Variants in CASQ2 observed in about 807,000 individuals in gnomAD.
CASQ2 encodes calsequestrin-2.
Under a neutral mutation model 46.5 loss-of-function variants are expected in CASQ2, and 49 were observed. The ratio of observed to expected loss-of-function variants is 1.05; its 90% CI spans 0.84 to 1.34. The LOEUF (loss-of-function observed/expected upper bound fraction) is 1.34, where lower values mean the gene tolerates loss of function less well. Ranked by LOEUF, CASQ2 falls within the 40% of genes most tolerant of loss-of-function variation. The pLI is 0.00. For synonymous variants in CASQ2, 174 were observed against 168.5 expected (o/e 1.03, Z -0.25); for missense variants, 486 against 481.3 (o/e 1.01, Z -0.09).
intron 1 of CASQ2, among the ~76,000 whole-genome samples, chr1:115,754,615 T>C (rs1301607938): frequency 6.6e-6 from 1 of 152,156 alleles, no homozygotes; most frequent in Non-Finnish European, 1.5e-5. Flanking sequence ...AGAGCTTAAG[T>C]GACCCAGCTA....
intron 9 of CASQ2, among the ~76,000 whole-genome samples, chr1:115,703,207 A>T (rs191861455): frequency 2.6e-5 from 4 of 152,068 alleles, no homozygotes; most frequent in Admixed American, 2.6e-4. Context: ...TTATGGAAAC[A>T]TGTGTCTGCA....
At chr1:115,746,330 C>A (rs1022325710) in intron 1 of CASQ2, among the ~76,000 whole-genome samples, 4 of 152,068 alleles carry the variant, frequency 2.6e-5, no homozygotes, top group Admixed American at 6.5e-5. Context: ...GTCTTAATTT[C>A]TCTGAGATAA....
rs57499430 is a variant in CASQ2, at chr1:115,723,274, C to CTATCACCTATCT, written c.783+2233_783+2234insAGATAGGTGATA. On this transcript the variant is annotated intron_variant, in intron 7 of 10. Transcript: ENST00000261448. ...TCTCTATATCTATCTATCTATCTAT[C>CTATCACCTATCT]ATCTATCTATATCTCTCTATATCTA... is the stretch of plus-strand genomic sequence containing the variant. 2.0e-5 allele frequency among the ~76,000 whole-genome samples: 3 copies of CTATCACCTATCT among 150,974 alleles called. No homozygotes were observed. The South Asian group carries it at 6.3e-4, about 32-fold the overall frequency.
At chr1:115,705,367 T>C in intron 8 of CASQ2, 75 bp from the exon 9 acceptor site, 1 of 951,416 alleles carries the variant, frequency 1.1e-6, no homozygotes, top group Non-Finnish European at 1.7e-6. Context: ...GAGTGTGATT[T>C]TTCCACGAGG....
At chr1:115,723,597 G>T (rs1647468955) in intron 7 of CASQ2, among the ~76,000 whole-genome samples, 1 of 151,904 alleles carries the variant, frequency 6.6e-6, no homozygotes, top group African/African-American at 2.4e-5. Context: ...GAGTGCAGTG[G>T]TGCAATCACA....
At chr1:115,756,233 A>G (rs4839482) in intron 1 of CASQ2, among the ~76,000 whole-genome samples, 151,617 of 152,284 alleles carry the variant, frequency 1, 75,486 homozygotes, top group Middle Eastern at 1. Flanking sequence ...ACACAGAAGC[A>G]GCTCTGGCTT....
At chr1:115,759,771 A>T (rs1265689309) in intron 1 of CASQ2, among the ~76,000 whole-genome samples, 1 of 152,170 alleles carries the variant, frequency 6.6e-6, no homozygotes, top group Non-Finnish European at 1.5e-5. Context: ...ACATCATAAC[A>T]TCTTAATATC....
At chr1:115,733,410 A>G (rs71666762) in intron 4 of CASQ2, among the ~76,000 whole-genome samples, 17,436 of 152,246 alleles carry the variant, frequency 0.11, 1,071 homozygotes, top group South Asian at 0.23. Flanking sequence ...GTGTAAAGTA[A>G]CCTCAATCAC....
intron 1 of CASQ2, among the ~76,000 whole-genome samples, chr1:115,752,807 A>G (rs1648627693): frequency 6.6e-6 from 1 of 152,246 alleles, no homozygotes; most frequent in South Asian, 2.1e-4. Flanking sequence ...TGCGTAGAGC[A>G]GACAGAAAGG....
chr1:115,730,257 G>A (rs1647740591), intron 5 of CASQ2, among the ~76,000 whole-genome samples: 2 of 152,210 alleles, frequency 1.3e-5, no homozygotes, highest in South Asian at 4.1e-4. Context: ...ATGGATAGTG[G>A]TTGGGAACTA....
rs77014267 is a variant in CASQ2 at position 115,745,536 on chromosome 1, A to T, written c.235-624T>A. Among the ~76,000 whole-genome samples, 154 of 152,262 alleles carry T rather than the reference A, an allele frequency of 1.0e-3. 1 individual carries two copies. The East Asian group carries it at 0.027, about 26-fold the overall frequency. ...AGTGTCCTAGATGGACAGATAGCTG[A>T]AAACTTCTCTGGGTAGACACCAGCA... is the stretch of plus-strand genomic sequence containing the variant. On this transcript the variant is annotated intron_variant, in intron 1 of 10. Transcript: ENST00000261448.
rs56889721 is a variant in CASQ2 at position 115,725,557 on chromosome 1, GA to G, written c.738-5del. The G allele has an allele frequency of 0.12, 167,559 of 1,358,710 alleles. 65 individuals are homozygous for G. The highest frequency in any genetic ancestry group is 0.13 in the Non-Finnish European group (138,088 of 1,026,240). 84.2% of individuals were successfully genotyped at this position (1,358,710 alleles called of 1,614,324 possible). A position where few individuals can be genotyped will look rare whatever the true frequency, so the allele number is the denominator to read the frequency against. On this transcript the variant is annotated splice_region_variant and splice_polypyrimidine_tract_variant and intron_variant, in intron 6 of 10. Transcript: ENST00000261448. ...GCGCAGGCGACGTAGAGTGGGTCTG[GA>G]AAAAAAAAAAAAAAAAAAAAAAGAA...
intron 4 of CASQ2, among the ~76,000 whole-genome samples, chr1:115,737,739 A>T (rs186369222): frequency 6.6e-6 from 1 of 152,312 alleles, no homozygotes; most frequent in Non-Finnish European, 1.5e-5. Flanking sequence ...TATGACAGGT[A>T]GCCTTGGTGG....
At chr1:115,726,959 AGG>A in intron 6 of CASQ2, 31 bp downstream of exon 6, 51 of 674,116 alleles carry the variant, frequency 7.6e-5, no homozygotes, top group Non-Finnish European at 1.1e-4. Context: ...CCCAGACCCC[AGG>A]CCCCCAGCCC....
chr1:115,719,970 GC>G (rs1238719861), intron 7 of CASQ2, among the ~76,000 whole-genome samples: 2 of 152,110 alleles, frequency 1.3e-5, no homozygotes, highest in South Asian at 2.1e-4. Flanking sequence ...AACAATATCT[GC>G]TATTTGCCAC....
intron 6 of CASQ2, among the ~76,000 whole-genome samples, chr1:115,726,246 C>G (rs763359946): frequency 9.2e-5 from 14 of 152,134 alleles, no homozygotes. Context: ...TTCCATATTC[C>G]CATATCTTCC....
intron 1 of CASQ2, among the ~76,000 whole-genome samples, chr1:115,754,251 G>A (rs368762346): frequency 6.6e-6 from 1 of 152,296 alleles, no homozygotes; most frequent in Admixed American, 6.5e-5. Flanking sequence ...GGGTTCAAGC[G>A]AGTATCGGGG....
intron 8 of CASQ2, 47 bp downstream of exon 8, chr1:115,717,793 A>G: frequency 7.2e-7 from 1 of 1,386,282 alleles, no homozygotes; most frequent in Non-Finnish European, 1.0e-6. Flanking sequence ...AAGGTGAGAA[A>G]TCAGTTCTTG....
chr1:115,713,715 C>A (rs1044133239), intron 8 of CASQ2, among the ~76,000 whole-genome samples: 4 of 152,202 alleles, frequency 2.6e-5, no homozygotes, highest in Non-Finnish European at 5.9e-5. Context: ...CTCTTCTCAC[C>A]TCCGCCTGCT....
Sources: allele counts gnomAD v4.1 joint callset (sites outside exome capture counted in the v4.1 genomes callset), GRCh38; gene constraint gnomAD v4.1.1; transcripts MANE v1.5; gene names NCBI Gene and HGNC (gene_info 2026-07-23, HGNC 2026-07-21).